Variants in CLCA1 observed in about 807,000 individuals in gnomAD.
CLCA1 encodes the protein calcium-activated chloride channel regulator 1.
CLCA1 carries 59 observed loss-of-function variants against 85.6 expected under a neutral mutation model. The observed-to-expected ratio is 0.69, with a 90% CI of 0.56 to 0.86. The LOEUF (loss-of-function observed/expected upper bound fraction) is 0.86. CLCA1 is among the 40% of genes least tolerant of loss of function. CLCA1 has a pLI of 0.00. For missense variants in CLCA1, 1,022 were observed against 1,101.4 expected (o/e 0.93, Z 1.02); for synonymous variants, 396 against 398.3 (o/e 0.99, Z 0.07).
chr1:86,473,362 G>C, intron 1 of CLCA1, 55 bp from the exon 2 acceptor site: 1 of 1,310,952 alleles, frequency 7.6e-7, no homozygotes, highest in African/African-American at 1.5e-5. Flanking sequence ...TTGAATGACT[G>C]ATAATTTAAT....
At chr1:86,493,361 G>A in intron 9 of CLCA1, 23 bp from the exon 10 acceptor site, 1 of 1,582,384 alleles carries the variant, frequency 6.3e-7, no homozygotes, top group Non-Finnish European at 8.7e-7. Flanking sequence ...TCTCCAGAAA[G>A]TAAGAGCTGT....
intron 11 of CLCA1, 26 bp downstream of exon 11, chr1:86,494,474 A>G (rs564719237): frequency 6.2e-7 from 1 of 1,610,034 alleles, no homozygotes; most frequent in East Asian, 2.2e-5. Context: ...ATTGGAAGAT[A>G]TTTATTTCTT....
Position 86,495,585 on chromosome 1 carries a change from G to C in CLCA1, c.2023G>C (p.Val675Leu). The change falls in exon 12 of 14, where the codon GTG (valine) becomes CTG (leucine). Residue 675 changes from valine (V) to leucine (L), a missense_variant. Physicochemically the swap from Val to Leu is conservative, Grantham distance 32. Transcript: ENST00000394711. ...CACGAATGGTAGATACAGTGTAAAA[G>C]TGCGGGCTCTGGGAGGAGTTAACGC... ...YDTNGRYSVK[V>L]RALGGVNAAR... 6.2e-7 allele frequency: 1 copy of C among 1,614,144 alleles called. No individual in the cohort carries two copies. Among genetic ancestry groups the C allele is most frequent in the Non-Finnish European group, 8.5e-7 (1 of 1,179,988 alleles).
chr1:86,494,482 C>A (rs765024027), intron 11 of CLCA1, 34 bp downstream of exon 11: 1 of 1,608,366 alleles, frequency 6.2e-7, no homozygotes, highest in Non-Finnish European at 8.5e-7. Context: ...ATATTTATTT[C>A]TTTTTCCAAG....
intron 4 of CLCA1, among the ~76,000 whole-genome samples, 154 bp from the exon 5 acceptor site, chr1:86,482,051 T>C (rs1218255758): frequency 6.6e-6 from 1 of 152,222 alleles, no homozygotes; most frequent in Non-Finnish European, 1.5e-5. Context: ...ATGACTCTGA[T>C]GACAATTTAA....
chr1:86,473,876 G>C lies in CLCA1; in HGVS notation c.451G>C (p.Gly151Arg), dbSNP rs1167536126. 6.3e-7 allele frequency: 1 copy of C among 1,593,442 alleles called. No individual in the cohort carries two copies. Among genetic ancestry groups the C allele is most frequent in the Non-Finnish European group, 8.5e-7 (1 of 1,169,668 alleles). The change falls in exon 3 of 14, where the codon GGT (glycine) becomes CGT (arginine). Residue 151 changes from glycine (G) to arginine (R), a missense_variant and splice_region_variant. Gly to Arg is a moderately radical substitution (Grantham distance 125, BLOSUM62 -2). Coordinates refer to ENST00000394711, the MANE Select transcript of CLCA1 (RefSeq NM_001285.4). ...GKKLAEYGPQ[G>R]RAFVHEWAHL... is the part of the protein sequence containing the mutation. Reference sequence around the variant, plus strand: ...AAAGTTAGCTGAATATGGACCACAAGGTATGAAATATTCTACCATACTTCT... The same window carrying C: ...AAAGTTAGCTGAATATGGACCACAACGTATGAAATATTCTACCATACTTCT...
At chr1:86,492,780 A>C (rs1354266900) in intron 9 of CLCA1, among the ~76,000 whole-genome samples, 1 of 152,222 alleles carries the variant, frequency 6.6e-6, no homozygotes, top group Non-Finnish European at 1.5e-5. Context: ...CTTAGCAATT[A>C]GGTAATTCAG....
At chr1:86,482,453 C>A in intron 5 of CLCA1, 71 bp downstream of exon 5, 1 of 1,392,304 alleles carries the variant, frequency 7.2e-7, no homozygotes, top group Non-Finnish European at 9.9e-7. Flanking sequence ...CCAAGTGCTC[C>A]AAGGGAGAAT....
intron 5 of CLCA1, among the ~76,000 whole-genome samples, chr1:86,483,184 C>A (rs1201467408): frequency 1.3e-5 from 2 of 152,106 alleles, no homozygotes; most frequent in African/African-American, 4.8e-5. Context: ...CAGTCCATTC[C>A]CAGGCCTATT....
intron 1 of CLCA1, among the ~76,000 whole-genome samples, chr1:86,470,651 T>C (rs1461963630): frequency 2.0e-5 from 3 of 152,178 alleles, no homozygotes; most frequent in Non-Finnish European, 4.4e-5. Flanking sequence ...GATCCTAAAG[T>C]TGGGGGTGAG....
intron 5 of CLCA1, among the ~76,000 whole-genome samples, chr1:86,482,690 CA>C (rs749819367): frequency 2.6e-5 from 4 of 152,130 alleles, no homozygotes; most frequent in Non-Finnish European, 4.4e-5. Flanking sequence ...GGACTTAACC[CA>C]GGGGGATTAG....
intron 10 of CLCA1, among the ~76,000 whole-genome samples, chr1:86,493,856 A>G (rs1313896830): frequency 6.6e-6 from 1 of 152,116 alleles, no homozygotes; most frequent in Non-Finnish European, 1.5e-5. Context: ...CAAGATGCAA[A>G]ATGATCCTCG....
At chr1:86,484,312 C>T (rs899773762) in intron 5 of CLCA1, among the ~76,000 whole-genome samples, 2 of 152,186 alleles carry the variant, frequency 1.3e-5, no homozygotes, top group African/African-American at 2.4e-5. Flanking sequence ...AGAAACATTT[C>T]GGAAGTGACT....
At chr1:86,487,456 G>A (rs1648013135) in intron 7 of CLCA1, among the ~76,000 whole-genome samples, 2 of 152,154 alleles carry the variant, frequency 1.3e-5, no homozygotes, top group African/African-American at 4.8e-5. Flanking sequence ...TGGAATTTAG[G>A]ATGCCCCCTG....
intron 10 of CLCA1, 86 bp downstream of exon 10, chr1:86,493,685 G>T (rs149449869): frequency 2.8e-6 from 3 of 1,068,242 alleles, no homozygotes; most frequent in East Asian, 5.1e-5. Context: ...TTAAATGTTG[G>T]TGGTTGCTAA....
intron 1 of CLCA1, among the ~76,000 whole-genome samples, chr1:86,469,339 C>T (rs1397644988): frequency 1.3e-5 from 2 of 152,166 alleles, no homozygotes; most frequent in Admixed American, 1.3e-4. Context: ...ATGCACATAA[C>T]TCAGAGTGAT....
rs576894151 is a variant in CLCA1 at position 86,490,360 on chromosome 1, A to G, written c.1358-905A>G. ...TTCCTTAAGTTCAGATGGAATTATA[A>G]TAGTTAAAAAGTGCTTTCACATCAA... On this transcript the variant is annotated intron_variant, in intron 8 of 13. Transcript: ENST00000394711. Among the ~76,000 whole-genome samples, 7 of 152,350 alleles carry G rather than the reference A, an allele frequency of 4.6e-5. No homozygotes were observed. The East Asian group carries it at 1.3e-3, about 29-fold the overall frequency.
At chr1:86,470,195 A>G (rs955776082) in intron 1 of CLCA1, among the ~76,000 whole-genome samples, 2 of 152,192 alleles carry the variant, frequency 1.3e-5, no homozygotes, top group African/African-American at 4.8e-5. Context: ...ATGTTTGGAA[A>G]GAAAACCATC....
Position 86,473,755 on chromosome 1 carries a change from T to C in CLCA1, c.330T>C (p.Thr110=), listed in dbSNP as rs1425332158. 8 of 1,589,450 alleles carry C rather than the reference T, an allele frequency of 5.0e-6. No individual in the cohort carries two copies. Among genetic ancestry groups the C allele is most frequent in the Admixed American group, 3.7e-5 (2 of 54,552 alleles). Residue 110 remains threonine (T), a synonymous_variant, in exon 3 of 14, where the codon ACT becomes ACC. Coordinates refer to ENST00000394711, the MANE Select transcript of CLCA1 (RefSeq NM_001285.4). ...CTGATGTTCTGGTTGCTGAGTCTAC[T>C]CCTCCAGGTAATGATGAACCCTACA... ...KNADVLVAES[T]PPGNDEPYTE...
Sources: allele counts gnomAD v4.1 joint callset (sites outside exome capture counted in the v4.1 genomes callset), GRCh38; gene constraint gnomAD v4.1.1; transcripts MANE v1.5; gene names NCBI Gene and HGNC (gene_info 2026-07-23, HGNC 2026-07-21).